Variants in COX4I2 observed in about 807,000 individuals in gnomAD.
COX4I2 encodes the protein cytochrome c oxidase subunit 4 isoform 2, mitochondrial.
COX4I2 carries 15 observed loss-of-function variants against 20.8 expected under a neutral mutation model. The ratio of observed to expected loss-of-function variants is 0.72; its 90% CI spans 0.48 to 1.11. COX4I2 has a LOEUF of 1.11. Ranked by LOEUF, COX4I2 falls within the 50% of genes most tolerant of loss-of-function variation. The pLI is 0.00. For missense variants in COX4I2, 224 were observed against 223.0 expected, an observed-to-expected ratio of 1.00 and a Z score of -0.03; for synonymous variants, 80 against 78.1, an observed-to-expected ratio of 1.02 and a Z score of -0.13.
At chr20:31,639,791 C>G in intron 2 of COX4I2, 142 bp from the exon 3 acceptor site, 1 of 849,670 alleles carries the variant, frequency 1.2e-6, no homozygotes, top group Non-Finnish European at 1.9e-6. Flanking sequence ...CTCCTGACCT[C>G]GTGATCCACC....
chr20:31,639,005 T>G lies in COX4I2; in HGVS notation c.1-13T>G. 6.2e-7 allele frequency: 1 copy of G among 1,605,248 alleles called. No individual in the cohort carries two copies. The highest frequency in any genetic ancestry group is 1.1e-5 in the South Asian group (1 of 88,980). ...TGTGGGGGCAGAACTCATCTATACC[T>G]TCACGCCCCCAGATGCTCCCCAGAG... is the stretch of plus-strand genomic sequence containing the variant. On this transcript the variant is annotated splice_polypyrimidine_tract_variant and intron_variant, in intron 1 of 4. Transcript: ENST00000376075.
At chr20:31,640,772 C>G (rs2060463083) in intron 3 of COX4I2, among the ~76,000 whole-genome samples, 3 of 152,052 alleles carry the variant, frequency 2.0e-5, no homozygotes, top group African/African-American at 7.2e-5. Context: ...TCAAGGGATT[C>G]CTAGTGGGGA....
chr20:31,641,852 C>CA (rs1262120569), intron 3 of COX4I2, among the ~76,000 whole-genome samples: 2 of 148,742 alleles, frequency 1.3e-5, no homozygotes, highest in Non-Finnish European at 3.0e-5. Flanking sequence ...AGGCGGGCGC[C>CA]ACCACACCTG....
chr20:31,638,444 A>G lies in COX4I2; in HGVS notation c.-1+482A>G, dbSNP rs913804577. On this transcript the variant is annotated intron_variant, in intron 1 of 4. Coordinates refer to ENST00000376075, the MANE Select transcript of COX4I2 (RefSeq NM_032609.3). ...ACCCTGAGTCTTCCCTGGGGGTGGG[A>G]GACTGGGCTCAGCCAGACTGGCTAA... is the stretch of plus-strand genomic sequence containing the variant. Among the ~76,000 whole-genome samples the G allele has an allele frequency of 1.8e-4, 26 of 141,130 alleles. No individual in the cohort carries two copies. The South Asian group carries it at 4.3e-3, about 23-fold the overall frequency. The allele number at this position is 141,130 out of a possible 152,430, so 92.6% of individuals were successfully genotyped here.
rs994136699 is a variant in COX4I2 at position 31,640,006 on chromosome 20, C to T, written c.156C>T (p.Pro52=). 1.2e-6 allele frequency: 2 copies of T among 1,613,924 alleles called. No homozygotes were observed. Among genetic ancestry groups the T allele is most frequent in the Non-Finnish European group, 1.7e-6 (2 of 1,180,016 alleles). ...GCTACTACCCCATGCCAGAAGAGCC[C>T]TTCTGCACAGAACTCAACGCTGAGG... is the stretch of plus-strand genomic sequence containing the variant. ...AQRYYPMPEE[P]FCTELNAEEQ... The change falls in exon 3 of 5, where the codon CCC becomes CCT. Residue 52 remains proline (P), a synonymous_variant. Transcript: ENST00000376075.
At position 31,643,537 on chromosome 20, in the gene COX4I2, TG is replaced by T; in HGVS notation, c.379+3del. ...TGATTTGGTGGCAGCGGGTCTACGGTGAGTGGCAACACCTCATCTGGCTGCA... is the reference window on the plus strand; with the variant it reads ...TGATTTGGTGGCAGCGGGTCTACGGTAGTGGCAACACCTCATCTGGCTGCA... On this transcript the variant is annotated splice_donor_region_variant and intron_variant, in intron 4 of 4. Coordinates refer to ENST00000376075, the MANE Select transcript of COX4I2 (RefSeq NM_032609.3). 8 of 1,614,106 alleles carry T rather than the reference TG, an allele frequency of 5.0e-6. No individual in the cohort carries two copies. In the South Asian group the frequency reaches 7.7e-5, roughly 16 times the overall value.
chr20:31,644,794 A>T lies in COX4I2; in HGVS notation c.406A>T (p.Thr136Ser). Residue 136 changes from threonine to serine, a missense_variant, in exon 5 of 5, where the codon ACG becomes TCG. Transcript: ENST00000376075. ...YVFPPKPITL[T>S]DERKAQQLQR... ...ATTTCCTCCAAAGCCGATCACCTTG[A>T]CGGACGAGCGGAAAGCCCAGCAGCT... 1 of 1,614,060 alleles carries T rather than the reference A, an allele frequency of 6.2e-7. No homozygotes were observed. Among genetic ancestry groups the T allele is most frequent in the Non-Finnish European group, 8.5e-7 (1 of 1,179,988 alleles).
At chr20:31,642,145 G>C (rs188418145) in intron 3 of COX4I2, among the ~76,000 whole-genome samples, 170 of 152,176 alleles carry the variant, frequency 1.1e-3, no homozygotes, top group African/African-American at 3.8e-3. Flanking sequence ...GAGCCATCAT[G>C]CCAGGCCAAA....
chr20:31,643,640 C>A, intron 4 of COX4I2, 105 bp downstream of exon 4: 1 of 1,359,756 alleles, frequency 7.4e-7, no homozygotes, highest in Non-Finnish European at 1.0e-6. Flanking sequence ...ATCTGAAGAG[C>A]TGAAAATTTC....
At chr20:31,641,691 G>A (rs924470647) in intron 3 of COX4I2, among the ~76,000 whole-genome samples, 19 of 152,038 alleles carry the variant, frequency 1.2e-4, no homozygotes, top group African/African-American at 4.6e-4. Context: ...TAACCTCACA[G>A]CTCAAACAAC....
chr20:31,644,255 T>C (rs1216535246), intron 4 of COX4I2, among the ~76,000 whole-genome samples: 1 of 152,218 alleles, frequency 6.6e-6, no homozygotes, highest in East Asian at 1.9e-4. Flanking sequence ...GTAGGTAACA[T>C]GTATCAGGTG....
At chr20:31,638,982 T>G (rs750682956) in intron 1 of COX4I2, 36 bp from the exon 2 acceptor site, 1 of 1,583,368 alleles carries the variant, frequency 6.3e-7, no homozygotes. Context: ...GAGGGTGATG[T>G]GGGGGCAGAA....
intron 4 of COX4I2, 147 bp from the exon 5 acceptor site, chr20:31,644,621 T>G: frequency 1.1e-6 from 1 of 880,940 alleles, no homozygotes; most frequent in Non-Finnish European, 1.8e-6. Context: ...CAGGGTGGAG[T>G]GAGCTCCTCA....
At chr20:31,639,212 C>A (rs2060452709) in intron 2 of COX4I2, 113 bp downstream of exon 2, 7 of 1,538,044 alleles carry the variant, frequency 4.6e-6, no homozygotes, top group Non-Finnish European at 6.1e-6. Context: ...TCCTACCACA[C>A]TTCCCATGTT....
chr20:31,639,364 G>A (rs1172792189), intron 2 of COX4I2: 1 of 829,638 alleles, frequency 1.2e-6, no homozygotes, highest in Non-Finnish European at 1.5e-6. Flanking sequence ...TTTGTTCTGA[G>A]GTGGAGGATG....
At chr20:31,643,144 C>A (rs2060477606) in intron 3 of COX4I2, among the ~76,000 whole-genome samples, 1 of 152,238 alleles carries the variant, frequency 6.6e-6, no homozygotes, top group Non-Finnish European at 1.5e-5. Context: ...TCCAATGTCA[C>A]CTCCTCTGAG....
intron 3 of COX4I2, 65 bp downstream of exon 3, chr20:31,640,162 T>G: frequency 3.3e-6 from 5 of 1,507,384 alleles, no homozygotes; most frequent in Non-Finnish European, 3.6e-6. Context: ...AAGAATGGCC[T>G]GTCAGGGATC....
At chr20:31,638,274 C>T (rs1016461296) in intron 1 of COX4I2, among the ~76,000 whole-genome samples, 4 of 151,702 alleles carry the variant, frequency 2.6e-5, no homozygotes, top group Admixed American at 2.0e-4. Flanking sequence ...TGTAGTGTGC[C>T]CCCTCCCTCA....
intron 4 of COX4I2, 91 bp downstream of exon 4, chr20:31,643,626 A>G: frequency 6.6e-7 from 1 of 1,505,522 alleles, no homozygotes; most frequent in Non-Finnish European, 9.2e-7. Flanking sequence ...CCATGCTGGC[A>G]CTCATCTGAA....
Sources: allele counts gnomAD v4.1 joint callset (sites outside exome capture counted in the v4.1 genomes callset), GRCh38; gene constraint gnomAD v4.1.1; transcripts MANE v1.5; gene names NCBI Gene and HGNC (gene_info 2026-07-23, HGNC 2026-07-21).